The following SGCD variants were observed in gnomAD, a reference collection of about 807,000 sequenced individuals.
SGCD encodes the protein delta-sarcoglycan.
A neutral mutation model predicts 36.6 loss-of-function variants in SGCD; 18 were observed. That is an observed-to-expected ratio of 0.49 (90% confidence interval 0.34 to 0.73). The LOEUF is 0.73. Ranked by LOEUF, SGCD falls within the 30% of genes least tolerant of loss-of-function variation. The probability of loss-of-function intolerance (pLI) is 0.01; values close to 1 mark genes in which losing one functional copy is unlikely to be tolerated. For synonymous variants in SGCD, 133 were observed against 130.6 expected (o/e 1.02, Z -0.12); for missense variants, 387 against 346.7 (o/e 1.12, Z -0.92).
chr5:156,547,428 A>G (rs1758621252), intron 4 of SGCD, among the ~76,000 whole-genome samples: 1 of 150,068 alleles, frequency 6.7e-6, no homozygotes, highest in African/African-American at 2.5e-5. Context: ...AGATAGAAGA[A>G]ATGATAATAT....
intron 3 of SGCD, among the ~76,000 whole-genome samples, chr5:156,469,313 A>T (rs530650040): frequency 4.6e-5 from 7 of 152,298 alleles, no homozygotes; most frequent in African/African-American, 1.7e-4. Flanking sequence ...CGTGTTATTA[A>T]ACAGTCCAAA....
At chr5:156,687,561 T>G (rs574533154) in intron 7 of SGCD, among the ~76,000 whole-genome samples, 3 of 152,230 alleles carry the variant, frequency 2.0e-5, no homozygotes, top group Admixed American at 1.3e-4. Context: ...GGGCCCAAAA[T>G]GTTACTGTTA....
intron 3 of SGCD, among the ~76,000 whole-genome samples, chr5:156,134,708 G>T (rs999749851): frequency 6.9e-6 from 1 of 144,846 alleles, no homozygotes. Context: ...GGTTGGGGGA[G>T]GGGGGAGGGA....
At chr5:156,338,286 C>T (rs1240461643) in intron 2 of SGCD, among the ~76,000 whole-genome samples, 1 of 152,190 alleles carries the variant, frequency 6.6e-6, no homozygotes, top group African/African-American at 2.4e-5. Flanking sequence ...TGTTCTTCTC[C>T]TGAAGAACAG....
At chr5:156,540,566 T>C (rs1475214796) in intron 4 of SGCD, among the ~76,000 whole-genome samples, 2 of 152,168 alleles carry the variant, frequency 1.3e-5, no homozygotes, top group Non-Finnish European at 2.9e-5. Flanking sequence ...AATATTTACA[T>C]GAAAATCCTG....
At chr5:156,007,684 A>T (rs1194770049) in intron 1 of SGCD, among the ~76,000 whole-genome samples, 2 of 152,200 alleles carry the variant, frequency 1.3e-5, no homozygotes, top group African/African-American at 4.8e-5. Flanking sequence ...GCAAACACTA[A>T]GCCAGTAGGT....
At chr5:156,572,342 C>T (rs913162257) in intron 4 of SGCD, among the ~76,000 whole-genome samples, 3 of 152,132 alleles carry the variant, frequency 2.0e-5, no homozygotes, top group South Asian at 2.1e-4. Flanking sequence ...TCATAGCAGT[C>T]GCACCCTTTT....
intron 1 of SGCD, among the ~76,000 whole-genome samples, chr5:155,907,688 A>G (rs980037312): frequency 1.3e-5 from 2 of 152,152 alleles, no homozygotes; most frequent in Non-Finnish European, 2.9e-5. Context: ...ACTTGAATAG[A>G]TAAGCAGCTC....
At chr5:156,234,667 A>G (rs962184257) in intron 3 of SGCD, among the ~76,000 whole-genome samples, 1 of 152,204 alleles carries the variant, frequency 6.6e-6, no homozygotes, top group Non-Finnish European at 1.5e-5. Flanking sequence ...AGTGACCCAT[A>G]CATGGAAATA....
At chr5:156,362,672 A>G (rs1425935245) in intron 3 of SGCD, among the ~76,000 whole-genome samples, 1 of 152,124 alleles carries the variant, frequency 6.6e-6, no homozygotes, top group African/African-American at 2.4e-5. Context: ...CAGAAATAGC[A>G]TTCCATAGTG....
Position 156,542,109 on chromosome 5 carries a change from T to G in SGCD, c.294+33407T>G, listed in dbSNP as rs923701565. On this transcript the variant is annotated intron_variant, in intron 4 of 8. Transcript: ENST00000337851. ...AAAATAAAGTGTGTTTCAAGATGAA[T>G]TGATCAAAACAGTAGACAGGCAAAG... Among the ~76,000 whole-genome samples the G allele has an allele frequency of 3.3e-5, 5 of 152,112 alleles. No homozygotes were observed. In the South Asian group the frequency reaches 1.0e-3, roughly 31 times the overall value.
rs371128194 is a variant in SGCD at position 156,382,886 on chromosome 5, T to C, written c.192+38209T>C. Among the ~76,000 whole-genome samples, 6 of 152,338 alleles carry C rather than the reference T, an allele frequency of 3.9e-5. No individual in the cohort carries two copies. In the East Asian group the frequency reaches 9.6e-4, roughly 24 times the overall value. Reference sequence around the variant, plus strand: ...TTCCAGGTTTTTCCTTATTAGATTTTAATAAGGGCATTCTGGTGACTAAAA... The same window carrying C: ...TTCCAGGTTTTTCCTTATTAGATTTCAATAAGGGCATTCTGGTGACTAAAA... On this transcript the variant is annotated intron_variant, in intron 3 of 8. Coordinates refer to ENST00000337851, the MANE Select transcript of SGCD (RefSeq NM_000337.6).
chr5:155,857,701 A>G, the SGCD span, among the ~76,000 whole-genome samples: 2 of 152,170 alleles, frequency 1.3e-5, no homozygotes, highest in South Asian at 4.1e-4. Flanking sequence ...AATTAGGGGC[A>G]CAAAATAGAT....
intron 7 of SGCD, among the ~76,000 whole-genome samples, chr5:156,755,137 A>G (rs1234845676): frequency 6.6e-6 from 1 of 152,162 alleles, no homozygotes; most frequent in Non-Finnish European, 1.5e-5. Context: ...GAGGGAAAGG[A>G]AGAAAGATTT....
intron 1 of SGCD, among the ~76,000 whole-genome samples, chr5:155,975,981 C>A (rs1328812939): frequency 6.6e-6 from 1 of 152,034 alleles, no homozygotes; most frequent in Non-Finnish European, 1.5e-5. Context: ...AATAGAGTTT[C>A]AAATGCTAAA....
chr5:155,876,011 GT>G (rs879837192), intron 1 of SGCD, among the ~76,000 whole-genome samples: 109 of 138,158 alleles, frequency 7.9e-4, no homozygotes, highest in African/African-American at 1.3e-3. Context: ...TTTCAAAGTT[GT>G]TTTTTTTTTT....
At chr5:156,469,245 G>A (rs1459271575) in intron 3 of SGCD, among the ~76,000 whole-genome samples, 1 of 152,056 alleles carries the variant, frequency 6.6e-6, no homozygotes, top group East Asian at 1.9e-4. Flanking sequence ...TTCTGGAGTT[G>A]AAGTCCATAG....
At chr5:156,628,542 T>A (rs1391694958) in intron 6 of SGCD, among the ~76,000 whole-genome samples, 1 of 152,188 alleles carries the variant, frequency 6.6e-6, no homozygotes, top group African/African-American at 2.4e-5. Flanking sequence ...GAACATGGGC[T>A]GGGATTTGTT....
intron 3 of SGCD, among the ~76,000 whole-genome samples, chr5:156,257,882 A>G (rs887218398): frequency 1.3e-5 from 2 of 152,214 alleles, no homozygotes; most frequent in South Asian, 2.1e-4. Flanking sequence ...AGACAAACAA[A>G]CAAAAGAATG....
Sources: gnomAD v4.1 joint callset for allele counts (sites outside exome capture counted in the v4.1 genomes callset) on GRCh38, gnomAD v4.1.1 for gene constraint, MANE v1.5 for transcripts, NCBI Gene and HGNC (gene_info 2026-07-23, HGNC 2026-07-21) for gene names.